CACNA1D: variants seen among roughly 807,000 people sequenced by gnomAD.
CACNA1D encodes voltage-dependent L-type calcium channel subunit alpha-1D.
In CACNA1D, 55 loss-of-function variants were observed where a neutral mutation model predicts 257.1. The ratio of observed to expected loss-of-function variants is 0.21; its 90% CI spans 0.17 to 0.27. The LOEUF (loss-of-function observed/expected upper bound fraction) is 0.27, where lower values mean the gene tolerates loss of function less well. Among genes scored for constraint, CACNA1D ranks in the 10% least tolerant of loss-of-function variants. The probability of loss-of-function intolerance (pLI) is 1.00; values close to 1 mark genes in which losing one functional copy is unlikely to be tolerated. For missense variants in CACNA1D, 1,876 were observed against 2,784.0 expected, an observed-to-expected ratio of 0.67 and a Z score of 7.34; for synonymous variants, 980 against 1,014.9, an observed-to-expected ratio of 0.97 and a Z score of 0.65.
At chr3:53,522,458 A>C (rs911645022) in intron 3 of CACNA1D, among the ~76,000 whole-genome samples, 22 of 152,332 alleles carry the variant, frequency 1.4e-4, no homozygotes, top group African/African-American at 4.6e-4. Context: ...TGTGGTTGCC[A>C]GTATAAAGGC....
chr3:53,744,312 T>C (rs2095146232), intron 22 of CACNA1D, among the ~76,000 whole-genome samples: 1 of 151,496 alleles, frequency 6.6e-6, no homozygotes, highest in Non-Finnish European at 1.5e-5. Context: ...TGGGTTGGGA[T>C]TGCCCATCTC....
intron 46 of CACNA1D, 22 bp downstream of exon 46, chr3:53,808,792 G>GC: frequency 1.2e-6 from 2 of 1,603,464 alleles, no homozygotes. Flanking sequence ...ACCTGGCCTT[G>GC]CCCCCACACC....
At chr3:53,629,557 G>A (rs980968411) in intron 3 of CACNA1D, among the ~76,000 whole-genome samples, 2 of 152,204 alleles carry the variant, frequency 1.3e-5, no homozygotes, top group African/African-American at 4.8e-5. Flanking sequence ...TCAGTCATGT[G>A]TTTCTGCTAG....
At chr3:53,696,913 G>C (rs778872439) in intron 8 of CACNA1D, among the ~76,000 whole-genome samples, 39 of 147,604 alleles carry the variant, frequency 2.6e-4, no homozygotes, top group Middle Eastern at 7.0e-3. Context: ...TTCTGAGTAG[G>C]ATGCCACCAG....
chr3:53,520,849 C>CCTTT (rs71074924), intron 3 of CACNA1D, among the ~76,000 whole-genome samples: 12,661 of 132,850 alleles, frequency 0.095, 792 homozygotes, highest in Non-Finnish European at 0.12. Flanking sequence ...TTTGCAAACT[C>CCTTT]CTTTCTTTCT....
At chr3:53,508,085 T>G (rs1199926483) in intron 3 of CACNA1D, among the ~76,000 whole-genome samples, 6 of 152,192 alleles carry the variant, frequency 3.9e-5, no homozygotes, top group African/African-American at 1.4e-4. Context: ...GTTGCCTATG[T>G]GTACATCTTC....
chr3:53,622,894 C>CTT (rs200259187), intron 3 of CACNA1D, among the ~76,000 whole-genome samples: 2 of 144,882 alleles, frequency 1.4e-5, no homozygotes, highest in African/African-American at 5.0e-5. Context: ...TGAAAGAAGC[C>CTT]TTTTTTTTTT....
intron 3 of CACNA1D, among the ~76,000 whole-genome samples, chr3:53,590,659 G>A (rs773605639): frequency 8.5e-5 from 13 of 152,208 alleles, no homozygotes; most frequent in Non-Finnish European, 1.6e-4. Context: ...TCAGTACAGA[G>A]TATTAGCTTT....
chr3:53,735,324 G>A (rs1314982271), intron 19 of CACNA1D, 50 bp from the exon 20 acceptor site: 1 of 1,589,072 alleles, frequency 6.3e-7, no homozygotes, highest in Non-Finnish European at 8.6e-7. Flanking sequence ...AGGACCCAGT[G>A]TGTTCCACCC....
chr3:53,716,343 C>T (rs1472837084), intron 9 of CACNA1D, among the ~76,000 whole-genome samples: 1 of 152,244 alleles, frequency 6.6e-6, no homozygotes, highest in African/African-American at 2.4e-5. Flanking sequence ...TCAGTCACTG[C>T]AGTAACCACC....
intron 10 of CACNA1D, 136 bp downstream of exon 10, chr3:53,718,524 C>A: frequency 9.8e-7 from 1 of 1,025,448 alleles, no homozygotes; most frequent in Non-Finnish European, 1.5e-6. Context: ...TCCTCGTACC[C>A]CACGCCACGC....
intron 4 of CACNA1D, among the ~76,000 whole-genome samples, chr3:53,651,366 C>CCT (rs1553623470): frequency 1.2e-5 from 1 of 81,836 alleles, no homozygotes; most frequent in African/African-American, 4.4e-5. Context: ...TATTAATTTT[C>CCT]TTTTTTTTTT....
chr3:53,734,028 A>G (rs76384310), intron 19 of CACNA1D, among the ~76,000 whole-genome samples: 78,558 of 138,098 alleles, frequency 0.57, 23,029 homozygotes, highest in East Asian at 0.88. Context: ...ATATATATAT[A>G]TATATATATA....
intron 9 of CACNA1D, among the ~76,000 whole-genome samples, chr3:53,713,475 A>G (rs1458843350): frequency 6.6e-6 from 1 of 150,800 alleles, no homozygotes; most frequent in East Asian, 2.0e-4. Flanking sequence ...CTTAGGACCC[A>G]CACATAGACT....
chr3:53,753,788 C>A, intron 29 of CACNA1D, 106 bp downstream of exon 29: 1 of 752,924 alleles, frequency 1.3e-6, no homozygotes, highest in East Asian at 2.6e-5. Flanking sequence ...GTGTTCTGGC[C>A]GCTAACTGGG....
At chr3:53,665,414 G>A (rs1402127774) in intron 5 of CACNA1D, among the ~76,000 whole-genome samples, 2 of 152,150 alleles carry the variant, frequency 1.3e-5, no homozygotes, top group Admixed American at 6.5e-5. Context: ...CTTTGACATT[G>A]GGCAGTCCCC....
At chr3:53,727,695 G>A (rs1183340401) in intron 15 of CACNA1D, among the ~76,000 whole-genome samples, 1 of 152,048 alleles carries the variant, frequency 6.6e-6, no homozygotes, top group East Asian at 1.9e-4. Flanking sequence ...ACCAGACCTG[G>A]TACACAGAGG....
Position 53,572,724 on chromosome 3 carries a change from C to T in CACNA1D, c.483+71004C>T, listed in dbSNP as rs558129922. On this transcript the variant is annotated intron_variant, in intron 3 of 47. Coordinates refer to ENST00000350061, the MANE Select transcript of CACNA1D (RefSeq NM_001128840.3). ...CTTCTGGATTTATTTTGAACCTCTC[C>T]ACTTATTTCTCTTTGTCTCTGCTAC... 4.2e-4 allele frequency among the ~76,000 whole-genome samples: 64 copies of T among 152,298 alleles called. 1 individual carries two copies. The highest frequency in any genetic ancestry group is 1.5e-3 in the African/African-American group (61 of 41,572).
Position 53,744,593 on chromosome 3 carries a change from C to G in CACNA1D, c.2919-147C>G, listed in dbSNP as rs28365115. The G allele has an allele frequency of 0.29, 208,985 of 718,916 alleles. 35,067 individuals are homozygous for G. The highest frequency in any genetic ancestry group is 0.36 in the Non-Finnish European group (142,712 of 391,546). The allele number at this position is 718,916 out of a possible 1,614,324, so 44.5% of individuals were successfully genotyped here. ...CGGGGAGGAGAAGTCGCCTCTGAGT[C>G]GTGAAGAGAGATCAGCTCAGCACCA... On this transcript the variant is annotated intron_variant, in intron 22 of 47. Coordinates refer to ENST00000350061, the MANE Select transcript of CACNA1D (RefSeq NM_001128840.3).
Sources: allele counts gnomAD v4.1 joint callset (sites outside exome capture counted in the v4.1 genomes callset), GRCh38; gene constraint gnomAD v4.1.1; transcripts MANE v1.5; gene names NCBI Gene and HGNC (gene_info 2026-07-23, HGNC 2026-07-21).